Variants in TRPV1 observed in about 807,000 individuals in gnomAD.
TRPV1 encodes the protein transient receptor potential cation channel subfamily V member 1.
Under a neutral mutation model 82.3 loss-of-function variants are expected in TRPV1, and 82 were observed. The ratio of observed to expected loss-of-function variants is 1.00; its 90% CI spans 0.83 to 1.20. TRPV1 has a LOEUF of 1.20. TRPV1 is among the 50% of genes most tolerant of loss of function. The probability of loss-of-function intolerance (pLI) is 0.00; values close to 1 mark genes in which losing one functional copy is unlikely to be tolerated. For synonymous variants in TRPV1, 515 were observed against 467.7 expected, an observed-to-expected ratio of 1.10 and a Z score of -1.30; for missense variants, 1,067 against 1,096.8, an observed-to-expected ratio of 0.97 and a Z score of 0.38.
chr17:3,582,448 A>G (rs1456516575), intron 10 of TRPV1, among the ~76,000 whole-genome samples: 4 of 152,026 alleles, frequency 2.6e-5, no homozygotes, highest in African/African-American at 9.7e-5. Context: ...GATCATCTCA[A>G]ATTCTACATT....
intron 2 of TRPV1, among the ~76,000 whole-genome samples, chr17:3,595,293 G>A (rs903820560): frequency 5.3e-5 from 8 of 152,094 alleles, no homozygotes; most frequent in African/African-American, 7.2e-5. Flanking sequence ...GTTATGGCAC[G>A]TCCCCGAGGT....
At chr17:3,598,819 G>A (rs1044412560) in intron 2 of TRPV1, among the ~76,000 whole-genome samples, 2 of 149,382 alleles carry the variant, frequency 1.3e-5, no homozygotes, top group East Asian at 2.0e-4. Flanking sequence ...CACCTGCCTC[G>A]GCCTCCCAAA....
chr17:3,577,256 G>A (rs1357865632), intron 12 of TRPV1, 64 bp from the exon 13 acceptor site: 11 of 1,516,154 alleles, frequency 7.3e-6, no homozygotes, highest in South Asian at 3.6e-5. Context: ...GGGAAGGGCC[G>A]GGCCGCATCG....
intron 12 of TRPV1, 143 bp from the exon 13 acceptor site, chr17:3,577,335 G>C: frequency 1.1e-6 from 1 of 946,442 alleles, no homozygotes; most frequent in Non-Finnish European, 1.6e-6. Context: ...GGGGTCATGA[G>C]GGAGTCACCC....
chr17:3,579,506 C>T (rs955604760), intron 11 of TRPV1, among the ~76,000 whole-genome samples: 5 of 152,134 alleles, frequency 3.3e-5, no homozygotes, highest in African/African-American at 9.7e-5. Context: ...GATGGAATCT[C>T]GCTCTGTTAC....
chr17:3,604,688 A>G (rs2075286092), intron 2 of TRPV1, among the ~76,000 whole-genome samples: 1 of 152,160 alleles, frequency 6.6e-6, no homozygotes, highest in African/African-American at 2.4e-5. Flanking sequence ...CATGATGTGG[A>G]CGGGGTCAAG....
intron 16 of TRPV1, among the ~76,000 whole-genome samples, chr17:3,569,784 A>AGTATTTAAAGG (rs2074822318): frequency 6.6e-6 from 1 of 152,190 alleles, no homozygotes; most frequent in African/African-American, 2.4e-5. Flanking sequence ...AGTGGCTCAG[A>AGTATTTAAAGG]GTATTTAAAG....
intron 2 of TRPV1, among the ~76,000 whole-genome samples, chr17:3,597,797 C>T (rs1336671173): frequency 6.6e-6 from 1 of 151,928 alleles, no homozygotes; most frequent in Non-Finnish European, 1.5e-5. Context: ...CCTCAGCCTC[C>T]CGAATAGCTG....
Position 3,577,674 on chromosome 17 carries a change from G to T in TRPV1, c.1637C>A (p.Ala546Asp). The change falls in exon 12 of 17, where the codon GCC becomes GAC. Residue 546 changes from alanine (A) to aspartate (D), a missense_variant. By Grantham distance (126) the Ala-to-Asp change is moderately radical (BLOSUM62 -2). Transcript: ENST00000572705. Reference sequence around the variant, plus strand: ...GTAGAGCATGTTGGTCCAGCCCAAGGCCAGGGAGAATACCATGGAAGCCAC... The same window carrying T: ...GTAGAGCATGTTGGTCCAGCCCAAGTCCAGGGAGAATACCATGGAAGCCAC... ...EYVASMVFSL[A>D]LGWTNMLYYT... 6.3e-7 allele frequency: 1 copy of T among 1,588,388 alleles called. No individual in the cohort carries two copies. Among genetic ancestry groups the T allele is most frequent in the Non-Finnish European group, 8.6e-7 (1 of 1,167,762 alleles).
At chr17:3,586,951 T>C (rs1223990858) in intron 8 of TRPV1, among the ~76,000 whole-genome samples, 1 of 152,130 alleles carries the variant, frequency 6.6e-6, no homozygotes, top group Non-Finnish European at 1.5e-5. Flanking sequence ...GGGAAACTCC[T>C]TACTGCCTCA....
chr17:3,601,228 CCTT>C (rs921456655), intron 2 of TRPV1, among the ~76,000 whole-genome samples: 6 of 152,056 alleles, frequency 3.9e-5, no homozygotes, highest in Non-Finnish European at 7.4e-5. Flanking sequence ...CCTGGGAGCC[CCTT>C]CTTCTCACCT....
chr17:3,587,197 T>G (rs188006744), intron 8 of TRPV1, among the ~76,000 whole-genome samples: 2 of 152,286 alleles, frequency 1.3e-5, no homozygotes, highest in African/African-American at 4.8e-5. Flanking sequence ...CTGGGAACAC[T>G]TGTATCCAGC....
rs2074952508 is a variant in TRPV1, at chr17:3,577,648, A to G, written c.1663T>C (p.Tyr555His). Residue 555 changes from tyrosine (Y) to histidine (H), a missense_variant, in exon 12 of 17, where the codon TAC (tyrosine) becomes CAC (histidine). Transcript: ENST00000572705. Reference sequence around the variant, plus strand: ...CCCATCTGCTGGAAACCGCGGGTGTAGTAGAGCATGTTGGTCCAGCCCAAG... The same window carrying G: ...CCCATCTGCTGGAAACCGCGGGTGTGGTAGAGCATGTTGGTCCAGCCCAAG... ...LALGWTNMLY[Y>H]TRGFQQMGIY... 1 of 1,586,096 alleles carries G rather than the reference A, an allele frequency of 6.3e-7. No individual in the cohort carries two copies. The highest frequency in any genetic ancestry group is 1.2e-5 in the South Asian group (1 of 86,558).
intron 16 of TRPV1, among the ~76,000 whole-genome samples, chr17:3,569,624 G>T (rs369472185): frequency 1.5e-4 from 23 of 152,292 alleles, no homozygotes; most frequent in African/African-American, 5.5e-4. Context: ...GAAGCAGCTA[G>T]AATCTGTGGA....
At chr17:3,577,061 G>C in intron 13 of TRPV1, 65 bp downstream of exon 13, 2 of 1,514,318 alleles carry the variant, frequency 1.3e-6, no homozygotes, top group South Asian at 2.4e-5. Flanking sequence ...GCTCCTGGCA[G>C]AGTCTTCAGA....
intron 8 of TRPV1, among the ~76,000 whole-genome samples, chr17:3,587,634 C>T (rs1412918321): frequency 6.6e-6 from 1 of 152,150 alleles, no homozygotes; most frequent in African/African-American, 2.4e-5. Flanking sequence ...CCCTGACCAA[C>T]ATGGAGAAAT....
Position 3,566,827 on chromosome 17 carries a change from G to A in TRPV1, c.2508C>T (p.Ser836=), listed in dbSNP as rs369479657. The A allele has an allele frequency of 1.1e-5, 18 of 1,613,686 alleles. No individual in the cohort carries two copies. Among genetic ancestry groups the A allele is most frequent in the African/African-American group, 4.0e-5 (3 of 74,926 alleles). The change falls in exon 17 of 17, where the codon TCC becomes TCT. Residue 836 remains serine (S), a synonymous_variant. Transcript: ENST00000572705. Reference sequence around the variant, plus strand: ...CTGCGTGACGTCCTCACTTCTCCCCGGAAGCGGCAGGACTCTTGAAGACCT... The same window carrying A: ...CTGCGTGACGTCCTCACTTCTCCCCAGAAGCGGCAGGACTCTTGAAGACCT... ...DAEVFKSPAA[S]GEK
chr17:3,576,960 C>T (rs1253273925), intron 13 of TRPV1, among the ~76,000 whole-genome samples, 166 bp downstream of exon 13: 1 of 151,992 alleles, frequency 6.6e-6, no homozygotes, highest in Non-Finnish European at 1.5e-5. Flanking sequence ...TAACACGTGG[C>T]CAAGTCCTGG....
rs539913798 is a variant in TRPV1, at chr17:3,594,332, T to G, written c.-33-1949A>C. ...CTCAAGTCCTGCATTTTCTTTTTTT[T>G]TTTTTTTGAAATATATAATCAGGCA... On this transcript the variant is annotated intron_variant, in intron 2 of 16. Coordinates refer to ENST00000572705, the MANE Select transcript of TRPV1 (RefSeq NM_080704.4). Among the ~76,000 whole-genome samples the G allele has an allele frequency of 3.3e-5, 5 of 151,732 alleles. No individual in the cohort carries two copies. In the East Asian group the frequency reaches 9.7e-4, roughly 29 times the overall value.
Sources: allele counts gnomAD v4.1 joint callset (sites outside exome capture counted in the v4.1 genomes callset), GRCh38; gene constraint gnomAD v4.1.1; transcripts MANE v1.5; gene names NCBI Gene and HGNC (gene_info 2026-07-23, HGNC 2026-07-21).